HERPUD2: variants seen among roughly 807,000 people sequenced by gnomAD.
The protein encoded by HERPUD2 is HERPUD family member 2, also known as homocysteine-responsive endoplasmic reticulum-resident ubiquitin-like domain member 2 protein.
HERPUD2 carries 13 observed loss-of-function variants against 49.9 expected under a neutral mutation model. The ratio of observed to expected loss-of-function variants is 0.26; its 90% CI spans 0.17 to 0.41. The LOEUF is 0.41. HERPUD2 is among the 10% of genes least tolerant of loss of function. The pLI, the probability that HERPUD2 is intolerant of heterozygous loss-of-function variation, is 1.00. For missense variants in HERPUD2, 449 were observed against 492.2 expected, an observed-to-expected ratio of 0.91 and a Z score of 0.83; for synonymous variants, 172 against 171.4, an observed-to-expected ratio of 1.00 and a Z score of -0.03.
At position 35,660,659 on chromosome 7, in the gene HERPUD2, G is replaced by A. The variant is rs560293325; in HGVS notation, c.494+6775C>T. On this transcript the variant is annotated intron_variant, in intron 5 of 8. Coordinates refer to ENST00000311350, the MANE Select transcript of HERPUD2 (RefSeq NM_022373.5). ...ATGAGCATTTTTTCATGTGTCTATT[G>A]GCTGCATAAATGTCTTCTTTTGAGA... 2.0e-5 allele frequency among the ~76,000 whole-genome samples: 3 copies of A among 152,242 alleles called. No homozygotes were observed. The South Asian group carries it at 6.2e-4, about 32-fold the overall frequency.
chr7:35,637,163 A>AAAGG (rs1784884860), intron 6 of HERPUD2, among the ~76,000 whole-genome samples: 1 of 94,224 alleles, frequency 1.1e-5, no homozygotes, highest in Non-Finnish European at 2.0e-5. Context: ...AGAAAGAAAG[A>AAAGG]TAGATAGATA....
chr7:35,667,622 T>G, intron 4 of HERPUD2, 34 bp from the exon 5 acceptor site: 1 of 1,525,972 alleles, frequency 6.6e-7, no homozygotes, highest in Non-Finnish European at 9.0e-7. Context: ...AAAAGGAGAT[T>G]TAGTTCTTTA....
In HERPUD2 at chr7:35,682,347, GTGTGTGTGTGTATATATA is replaced by G. The variant is rs1401980359; in HGVS notation, c.148-9087_148-9070del. On this transcript the variant is annotated intron_variant, in intron 2 of 8. Coordinates refer to ENST00000311350, the MANE Select transcript of HERPUD2 (RefSeq NM_022373.5). ...CACACGTGTGTGTGTGTGTGTGTGT[GTGTGTGTGTGTATATATA>G]TATATATATATATATATATATACTT... is the stretch of plus-strand genomic sequence containing the variant. 3.4e-3 allele frequency among the ~76,000 whole-genome samples: 98 copies of G among 29,092 alleles called. 8 individuals are homozygous for G. The highest frequency in any genetic ancestry group is 0.029 in the Middle Eastern group (2 of 70). The allele number at this position is 29,092 out of a possible 152,430, so 19.1% of individuals were successfully genotyped here. A position where few individuals can be genotyped will look rare whatever the true frequency, so the allele number is the denominator to read the frequency against.
intron 5 of HERPUD2, among the ~76,000 whole-genome samples, chr7:35,646,975 G>GAA (rs928587255): frequency 2.8e-5 from 4 of 143,902 alleles, no homozygotes; most frequent in Non-Finnish European, 6.3e-5. Flanking sequence ...TAGAAATTAT[G>GAA]AAAAAAAAAC....
At chr7:35,683,506 C>T (rs1375592457) in intron 2 of HERPUD2, among the ~76,000 whole-genome samples, 2 of 152,176 alleles carry the variant, frequency 1.3e-5, no homozygotes, top group Non-Finnish European at 2.9e-5. Context: ...TAGACACTGC[C>T]TTAGGCAAGG....
chr7:35,640,808 A>G (rs1784956838), intron 5 of HERPUD2, among the ~76,000 whole-genome samples: 1 of 152,210 alleles, frequency 6.6e-6, no homozygotes, highest in Non-Finnish European at 1.5e-5. Flanking sequence ...ATCATTAAAC[A>G]ACAAGTTAAA....
intron 5 of HERPUD2, among the ~76,000 whole-genome samples, chr7:35,642,946 G>C (rs1390154081): frequency 1.3e-5 from 2 of 152,104 alleles, no homozygotes; most frequent in African/African-American, 2.4e-5. Flanking sequence ...CCGTGTACCC[G>C]TGAACCCAAA....
chr7:35,694,472 A>C lies in HERPUD2; in HGVS notation c.-142T>G. On this transcript the variant is annotated 5_prime_UTR_variant, in exon 2 of 9. Coordinates refer to ENST00000311350, the MANE Select transcript of HERPUD2 (RefSeq NM_022373.5). ...TCCAAGTCAGTTACAAGTGCACTGG[A>C]GGATACGAAGCCCATTGCCGGTACC... 1.2e-6 allele frequency: 1 copy of C among 809,130 alleles called. No homozygotes were observed. The highest frequency in any genetic ancestry group is 2.0e-6 in the Non-Finnish European group (1 of 506,244). 50.1% of individuals were successfully genotyped at this position (809,130 alleles called of 1,614,324 possible). A position where few individuals can be genotyped will look rare whatever the true frequency, so the allele number is the denominator to read the frequency against.
chr7:35,645,619 G>T (rs1368299199), intron 5 of HERPUD2, among the ~76,000 whole-genome samples: 1 of 151,894 alleles, frequency 6.6e-6, no homozygotes, highest in African/African-American at 2.4e-5. Context: ...ACAGGTCCTG[G>T]AATAATGTCA....
chr7:35,638,544 GA>G (rs1475252032), intron 5 of HERPUD2, 72 bp from the exon 6 acceptor site: 50 of 1,428,088 alleles, frequency 3.5e-5, no homozygotes, highest in Non-Finnish European at 4.8e-5. Context: ...TTTCATTTCT[GA>G]ACCCCAAGTC....
chr7:35,633,320 C>T lies in HERPUD2; in HGVS notation c.*370G>A, dbSNP rs578118710. On this transcript the variant is annotated 3_prime_UTR_variant, in exon 9 of 9. Coordinates refer to ENST00000311350, the MANE Select transcript of HERPUD2 (RefSeq NM_022373.5). ...CTGACCTCAAGTAACCCACCCGCCT[C>T]GGCCTCCCAAAGTGCTGGGATTACA... is the stretch of plus-strand genomic sequence containing the variant. 5 of 153,364 alleles carry T rather than the reference C, an allele frequency of 3.3e-5. No homozygotes were observed. Among genetic ancestry groups the T allele is most frequent in the African/African-American group, 4.8e-5 (2 of 41,484 alleles). The allele number at this position is 153,364 out of a possible 1,614,324, so 9.5% of individuals were successfully genotyped here.
rs186677719 is a variant in HERPUD2 at position 35,673,631 on chromosome 7, A to G, written c.148-353T>C. Among the ~76,000 whole-genome samples, 1,041 of 152,230 alleles carry G rather than the reference A, an allele frequency of 6.8e-3. 11 individuals are homozygous for G. The highest frequency in any genetic ancestry group is 0.024 in the African/African-American group (991 of 41,564). On this transcript the variant is annotated intron_variant, in intron 2 of 8. Coordinates refer to ENST00000311350, the MANE Select transcript of HERPUD2 (RefSeq NM_022373.5). ...ATCTTCAAGACTATATAAATGAGAA[A>G]GTGGTTGGCCTTATATTAATCGTCA...
At chr7:35,665,084 C>G (rs567826647) in intron 5 of HERPUD2, among the ~76,000 whole-genome samples, 1 of 152,320 alleles carries the variant, frequency 6.6e-6, no homozygotes, top group Non-Finnish European at 1.5e-5. Context: ...CTTGAGGAGG[C>G]AGTCTGTCTG....
chr7:35,693,347 T>C (rs574190003), intron 2 of HERPUD2, among the ~76,000 whole-genome samples: 1 of 152,322 alleles, frequency 6.6e-6, no homozygotes, highest in African/African-American at 2.4e-5. Context: ...GGGGTTGTGG[T>C]GAAAACGAAT....
intron 2 of HERPUD2, among the ~76,000 whole-genome samples, chr7:35,691,372 G>A (rs1786182464): frequency 7.0e-6 from 1 of 143,498 alleles, no homozygotes; most frequent in South Asian, 2.5e-4. Flanking sequence ...ATCTTTGTAG[G>A]ATCCTAAAAG....
intron 2 of HERPUD2, among the ~76,000 whole-genome samples, chr7:35,673,959 G>A (rs935831894): frequency 4.4e-4 from 67 of 152,008 alleles, no homozygotes; most frequent in Admixed American, 2.3e-3. Flanking sequence ...ATGAAATTAC[G>A]TAAAATTAAA....
chr7:35,684,363 C>T lies in HERPUD2; in HGVS notation c.147+9821G>A, dbSNP rs146693476. ...CGAGATCGCACCACTGCACTCCAGC[C>T]TGGGTGATGGAGCAAGACTCCACCT... On this transcript the variant is annotated intron_variant, in intron 2 of 8. Transcript: ENST00000311350. 5.1e-4 allele frequency among the ~76,000 whole-genome samples: 77 copies of T among 151,658 alleles called. 1 individual carries two copies. The highest frequency in any genetic ancestry group is 1.8e-3 in the African/African-American group (76 of 41,272).
chr7:35,643,301 G>A (rs1784997096), intron 5 of HERPUD2, among the ~76,000 whole-genome samples: 1 of 152,040 alleles, frequency 6.6e-6, no homozygotes, highest in Non-Finnish European at 1.5e-5. Flanking sequence ...CCTAAATACA[G>A]CAAAGCCAAA....
At chr7:35,651,476 C>T (rs913506434) in intron 5 of HERPUD2, among the ~76,000 whole-genome samples, 19 of 152,050 alleles carry the variant, frequency 1.2e-4, no homozygotes, top group African/African-American at 3.6e-4. Flanking sequence ...ACACTACTGA[C>T]ACTGTTCCTG....
Sources: allele counts gnomAD v4.1 joint callset (sites outside exome capture counted in the v4.1 genomes callset), GRCh38; gene constraint gnomAD v4.1.1; transcripts MANE v1.5; gene names NCBI Gene and HGNC (gene_info 2026-07-23, HGNC 2026-07-21).